The following TULP2 variants were observed in gnomAD, a reference collection of about 807,000 sequenced individuals.
The protein encoded by TULP2 is tubby-related protein 2.
Under a neutral mutation model 60.3 loss-of-function variants are expected in TULP2, and 64 were observed. That is an observed-to-expected ratio of 1.06 (90% confidence interval 0.87 to 1.31). TULP2 has a LOEUF of 1.31. TULP2 is among the 50% of genes most tolerant of loss of function. The pLI is 0.00. For missense variants in TULP2, 652 were observed against 667.0 expected (o/e 0.98, Z 0.25); for synonymous variants, 267 against 265.4 (o/e 1.01, Z -0.06).
chr19:48,886,204 G>C (rs2037177858), intron 8 of TULP2, among the ~76,000 whole-genome samples: 1 of 152,016 alleles, frequency 6.6e-6, no homozygotes. Context: ...TACTCAGAAG[G>C]CTGAGACAGG....
At chr19:48,889,165 A>G (rs966624910) in intron 7 of TULP2, among the ~76,000 whole-genome samples, 1 of 148,382 alleles carries the variant, frequency 6.7e-6, no homozygotes, top group Non-Finnish European at 1.5e-5. Context: ...TACTAGAGAC[A>G]GGGTTTCACC....
At position 48,888,138 on chromosome 19, in the gene TULP2, T is replaced by G. The variant is rs1599995663; in HGVS notation, c.760A>C (p.Arg254=). Residue 254 remains arginine (R), a synonymous_variant, in exon 8 of 13, where the codon AGG becomes CGG. Coordinates refer to ENST00000221399, the MANE Select transcript of TULP2 (RefSeq NM_003323.3). ...CGGATTGCCAAGGAGGCTTCGTGCC[T>G]CATATGGTCGCTGTCCGTGCCACCC... is the stretch of plus-strand genomic sequence containing the variant. ...GEGGTDSDHM[R]HEASLAIRSP... is the part of the protein sequence containing the mutation. The G allele has an allele frequency of 3.1e-6, 5 of 1,614,208 alleles. No individual in the cohort carries two copies. The highest frequency in any genetic ancestry group is 1.6e-4 in the Middle Eastern group (1 of 6,062).
intron 11 of TULP2, 49 bp from the exon 12 acceptor site, chr19:48,882,252 C>T (rs754335766): frequency 1.2e-6 from 2 of 1,605,870 alleles, no homozygotes; most frequent in Non-Finnish European, 1.7e-6. Flanking sequence ...TTTCGAAACT[C>T]CATCTTGAAC....
At chr19:48,892,456 T>G (rs1021895098) in intron 6 of TULP2, among the ~76,000 whole-genome samples, 1 of 152,080 alleles carries the variant, frequency 6.6e-6, no homozygotes, top group South Asian at 2.1e-4. Context: ...AGCACAGGGT[T>G]GGGACAAGAG....
intron 6 of TULP2, among the ~76,000 whole-genome samples, chr19:48,894,322 T>A (rs991876128): frequency 6.6e-6 from 1 of 152,044 alleles, no homozygotes; most frequent in South Asian, 2.1e-4. Context: ...CACTTTATTT[T>A]TAAAAATTTT....
intron 6 of TULP2, among the ~76,000 whole-genome samples, chr19:48,893,324 C>T (rs1212869695): frequency 1.3e-5 from 2 of 150,106 alleles, no homozygotes; most frequent in African/African-American, 2.5e-5. Flanking sequence ...GAGCTGAGAT[C>T]GCGCCATTGC....
At chr19:48,887,255 C>T (rs901832707) in intron 8 of TULP2, among the ~76,000 whole-genome samples, 4 of 146,892 alleles carry the variant, frequency 2.7e-5, no homozygotes, top group Non-Finnish European at 6.0e-5. Context: ...TTGTGATCTG[C>T]ACGCCTCGGC....
intron 9 of TULP2, 68 bp from the exon 10 acceptor site, chr19:48,884,114 C>G (rs891113404): frequency 8.0e-7 from 1 of 1,253,018 alleles, no homozygotes; most frequent in Non-Finnish European, 1.2e-6. Context: ...TGTCACTCAT[C>G]GCATCGACTC....
rs1175722410 is a variant in TULP2, at chr19:48,896,513, A to T, written c.128T>A (p.Leu43His). ...GTCAGGATTGGCCTGAACCATGAGGAGCTCCTGGCGCTTCTGTCGCTGCTT... is the reference window on the plus strand; with the variant it reads ...GTCAGGATTGGCCTGAACCATGAGGTGCTCCTGGCGCTTCTGTCGCTGCTT... ...EKKQRQKRQE[L>H]LMVQANPDAS... is the part of the protein sequence containing the mutation. The change falls in exon 4 of 13, where the codon CTC becomes CAC. Residue 43 changes from leucine to histidine, a missense_variant. Transcript: ENST00000221399. 6.2e-7 allele frequency: 1 copy of T among 1,607,318 alleles called. No homozygotes were observed. The highest frequency in any genetic ancestry group is 8.5e-7 in the Non-Finnish European group (1 of 1,176,956).
intron 1 of TULP2, among the ~76,000 whole-genome samples, chr19:48,898,074 C>T (rs1177722279): frequency 4.6e-5 from 7 of 151,974 alleles, no homozygotes; most frequent in South Asian, 2.1e-4. Context: ...TGGGTTCAAG[C>T]GATTCTCCTG....
At chr19:48,883,877 C>T in intron 10 of TULP2, 25 bp from the exon 11 acceptor site, 3 of 1,614,004 alleles carry the variant, frequency 1.9e-6, no homozygotes, top group East Asian at 2.2e-5. Flanking sequence ...TTCCAGTTGG[C>T]CTGGTTCCTT....
intron 12 of TULP2, among the ~76,000 whole-genome samples, chr19:48,881,376 A>ATTTTTT (rs72139613): frequency 3.3e-5 from 3 of 90,466 alleles, no homozygotes; most frequent in Admixed American, 1.2e-4. Flanking sequence ...CGTCCGGCTA[A>ATTTTTT]TTTTTTTTTT....
chr19:48,898,698 G>C lies in TULP2; in HGVS notation c.-110C>G, dbSNP rs2037306985. 1 of 152,180 alleles carries C rather than the reference G, an allele frequency of 6.6e-6. No homozygotes were observed. Among genetic ancestry groups the C allele is most frequent in the East Asian group, 1.9e-4 (1 of 5,160 alleles). 9.4% of individuals were successfully genotyped at this position (152,180 alleles called of 1,614,324 possible). ...GAGGATTCCCTCTGGGACCTGAACT[G>C]GTCCACTCCCTTCTGACCCTCCACT... On this transcript the variant is annotated 5_prime_UTR_variant, in exon 1 of 13. Coordinates refer to ENST00000221399, the MANE Select transcript of TULP2 (RefSeq NM_003323.3).
intron 11 of TULP2, among the ~76,000 whole-genome samples, chr19:48,883,215 T>A (rs985143867): frequency 6.9e-6 from 1 of 145,536 alleles, no homozygotes; most frequent in African/African-American, 2.6e-5. Context: ...CAAGACTCTG[T>A]CTCAAAAAAA....
rs745788084 is a variant in TULP2, at chr19:48,884,908, CTTTTTTTTT to C, written c.1061+531_1061+539del. ...ATTTAAAGGGCCCTTTAGGAACCCT[CTTTTTTTTT>C]TTTTTTTTTTTTTTTTTCTGTTGCC... On this transcript the variant is annotated intron_variant, in intron 9 of 12. Transcript: ENST00000221399. 6.9e-4 allele frequency among the ~76,000 whole-genome samples: 67 copies of C among 97,376 alleles called. 1 individual carries two copies. Among genetic ancestry groups the C allele is most frequent in the African/African-American group, 2.3e-3 (57 of 24,298 alleles). The allele number at this position is 97,376 out of a possible 152,430, so 63.9% of individuals were successfully genotyped here. A position where few individuals can be genotyped will look rare whatever the true frequency, so the allele number is the denominator to read the frequency against.
chr19:48,892,628 C>T (rs1175815809), intron 6 of TULP2, among the ~76,000 whole-genome samples: 4 of 151,864 alleles, frequency 2.6e-5, no homozygotes, highest in Non-Finnish European at 4.4e-5. Flanking sequence ...CTCAGCCTCC[C>T]GAATAGCTGG....
chr19:48,889,016 A>C (rs1285949768), intron 7 of TULP2, among the ~76,000 whole-genome samples: 28 of 114,078 alleles, frequency 2.5e-4, no homozygotes, highest in Admixed American at 2.9e-4. Context: ...GGACAGTCTC[A>C]CTCTGTCTCC....
chr19:48,883,652 G>A (rs563835957), intron 11 of TULP2, 102 bp downstream of exon 11: 1 of 1,303,768 alleles, frequency 7.7e-7, no homozygotes, highest in South Asian at 1.3e-5. Context: ...GCAACCCACT[G>A]GCCTCCTCTT....
chr19:48,893,263 G>A (rs889627833), intron 6 of TULP2, among the ~76,000 whole-genome samples: 8 of 151,860 alleles, frequency 5.3e-5, no homozygotes, highest in African/African-American at 1.7e-4. Flanking sequence ...CCAGCTACTC[G>A]GGAGGCTGAG....
Sources: allele counts gnomAD v4.1 joint callset (sites outside exome capture counted in the v4.1 genomes callset), GRCh38; gene constraint gnomAD v4.1.1; transcripts MANE v1.5; gene names NCBI Gene and HGNC (gene_info 2026-07-23, HGNC 2026-07-21).